The following BIRC5 variants were observed in gnomAD, a reference collection of about 807,000 sequenced individuals.
BIRC5 encodes the protein baculoviral IAP repeat containing 5.
BIRC5 carries 8 observed loss-of-function variants against 15.8 expected under a neutral mutation model. That is an observed-to-expected ratio of 0.51 (90% CI 0.30 to 0.91). The LOEUF is 0.91. Ranked by LOEUF, BIRC5 falls within the 40% of genes least tolerant of loss-of-function variation. The pLI is 0.07. For missense variants in BIRC5, 163 were observed against 178.6 expected (o/e 0.91, Z 0.50); for synonymous variants, 56 against 64.5 (o/e 0.87, Z 0.63).
At chr17:78,215,345 A>G (rs1246520781) in intron 2 of BIRC5, among the ~76,000 whole-genome samples, 4 of 152,134 alleles carry the variant, frequency 2.6e-5, no homozygotes. Context: ...TGAACCTGGG[A>G]GGCGGAGGTT....
At chr17:78,217,052 G>C (rs1157223937) in intron 3 of BIRC5, among the ~76,000 whole-genome samples, 2 of 149,162 alleles carry the variant, frequency 1.3e-5, no homozygotes, top group Non-Finnish European at 3.0e-5. Context: ...GCTAATTTTT[G>C]TATTTTTAGT....
At chr17:78,214,931 C>G (rs1026948786) in intron 2 of BIRC5, 142 bp downstream of exon 2, 4 of 751,260 alleles carry the variant, frequency 5.3e-6, no homozygotes, top group Middle Eastern at 2.3e-4. Context: ...GGATACCTCT[C>G]TATATGCTGG....
chr17:78,223,810 T>C lies in BIRC5; in HGVS notation c.*256T>C, dbSNP rs1489571172. ...TCTCTCTTTTTTGGGGGCTCATTTT[T>C]GCTGTTTTGATTCCCGGGCTTACCA... On this transcript the variant is annotated 3_prime_UTR_variant, in exon 4 of 4. Transcript: ENST00000350051. 5 of 758,264 alleles carry C rather than the reference T, an allele frequency of 6.6e-6. No individual in the cohort carries two copies. The highest frequency in any genetic ancestry group is 7.9e-6 in the Non-Finnish European group (4 of 508,256). The allele number at this position is 758,264 out of a possible 1,614,324, so 47.0% of individuals were successfully genotyped here.
intron 3 of BIRC5, among the ~76,000 whole-genome samples, chr17:78,221,048 T>C (rs773927089): frequency 3.3e-5 from 5 of 152,242 alleles, no homozygotes; most frequent in Non-Finnish European, 5.9e-5. Flanking sequence ...GCGCTGATTC[T>C]TGTTCCTGCT....
Position 78,225,047 on chromosome 17 carries a change from G to T in BIRC5, c.*1493G>T, listed in dbSNP as rs186938477. 124 of 152,308 alleles carry T rather than the reference G, an allele frequency of 8.1e-4. No individual in the cohort carries two copies. Among genetic ancestry groups the T allele is most frequent in the African/African-American group, 2.9e-3 (121 of 41,574 alleles). The allele number at this position is 152,308 out of a possible 1,614,324, so 9.4% of individuals were successfully genotyped here. A position where few individuals can be genotyped will look rare whatever the true frequency, so the allele number is the denominator to read the frequency against. ...GTACTCATCTAAGCTGCTTATTTTT[G>T]ATATTTGTGTCAGTCTGTAAATGGA... On this transcript the variant is annotated 3_prime_UTR_variant, in exon 4 of 4. Transcript: ENST00000350051.
Position 78,216,720 on chromosome 17 carries a change from T to C in BIRC5, c.278T>C (p.Phe93Ser). The C allele has an allele frequency of 1.2e-6, 2 of 1,614,042 alleles. No homozygotes were observed. Among genetic ancestry groups the C allele is most frequent in the African/African-American group, 1.3e-5 (1 of 75,044 alleles). Residue 93 changes from phenylalanine to serine, a missense_variant, in exon 3 of 4, where the codon TTT (phenylalanine) becomes TCT (serine). Physicochemically the swap from Phe to Ser is radical, Grantham distance 155. Transcript: ENST00000350051. ...GCTTTCCTTTCTGTCAAGAAGCAGT[T>C]TGAAGAATTAACCCTTGGTGAATTT... The part of the protein sequence containing the change: ...GCAFLSVKKQ[F>S]EELTLGEFLK...
At chr17:78,218,186 C>G (rs1037717568) in intron 3 of BIRC5, among the ~76,000 whole-genome samples, 1 of 151,904 alleles carries the variant, frequency 6.6e-6, no homozygotes, top group Non-Finnish European at 1.5e-5. Context: ...TAAGTATATA[C>G]CGGTATAAGT....
intron 3 of BIRC5, 96 bp downstream of exon 3, chr17:78,216,877 A>G (rs2076482114): frequency 3.1e-6 from 3 of 980,940 alleles, no homozygotes; most frequent in South Asian, 3.0e-5. Context: ...TTCCTCAGGA[A>G]GCATTTTTTT....
intron 1 of BIRC5, 53 bp from the exon 2 acceptor site, chr17:78,214,627 C>T: frequency 1.3e-6 from 2 of 1,498,852 alleles, no homozygotes; most frequent in Admixed American, 4.0e-5. Context: ...TGTGGCTGGG[C>T]CTCGGGGTTC....
intron 3 of BIRC5, among the ~76,000 whole-genome samples, chr17:78,219,650 G>C (rs1399067357): frequency 2.6e-5 from 4 of 152,234 alleles, no homozygotes. Flanking sequence ...TTCCAGGTCA[G>C]GGGTCAGCCA....
chr17:78,223,891 T>C lies in BIRC5; in HGVS notation c.*337T>C, dbSNP rs1035781513. The stretch of plus-strand genomic sequence containing the variant: ...TCCCTTTTGCTAGAGCTGACAGCTT[T>C]GTTCGCGTGGGCAGAGCCTTCCACA... On this transcript the variant is annotated 3_prime_UTR_variant, in exon 4 of 4. Coordinates refer to ENST00000350051, the MANE Select transcript of BIRC5 (RefSeq NM_001168.3). 2.4e-6 allele frequency: 1 copy of C among 423,284 alleles called. No homozygotes were observed. The highest frequency in any genetic ancestry group is 4.2e-6 in the Non-Finnish European group (1 of 238,262). The allele number at this position is 423,284 out of a possible 1,614,324, so 26.2% of individuals were successfully genotyped here. A position where few individuals can be genotyped will look rare whatever the true frequency, so the allele number is the denominator to read the frequency against.
chr17:78,214,551 C>T, intron 1 of BIRC5, 124 bp downstream of exon 1: 2 of 1,266,206 alleles, frequency 1.6e-6, no homozygotes, highest in Non-Finnish European at 2.1e-6. Flanking sequence ...CCAGCGAGGC[C>T]ACTGTGGCTG....
chr17:78,216,964 C>G (rs981695768), intron 3 of BIRC5, among the ~76,000 whole-genome samples, 183 bp downstream of exon 3: 3 of 151,814 alleles, frequency 2.0e-5, no homozygotes, highest in Non-Finnish European at 4.4e-5. Context: ...ACTGCAACCT[C>G]TGCCTCTCGG....
chr17:78,220,412 A>T (rs1392597303), intron 3 of BIRC5, among the ~76,000 whole-genome samples: 1 of 145,802 alleles, frequency 6.9e-6, no homozygotes, highest in Non-Finnish European at 1.5e-5. Flanking sequence ...TGGGCGACAG[A>T]GCGAGACTCC....
At chr17:78,219,207 CAG>C (rs1486850839) in intron 3 of BIRC5, among the ~76,000 whole-genome samples, 1 of 152,118 alleles carries the variant, frequency 6.6e-6, no homozygotes, top group African/African-American at 2.4e-5. Flanking sequence ...TAATTTGAGA[CAG>C]AGTGTCACTC....
rs1430432939 is a variant in BIRC5, at chr17:78,225,563, C to T, written c.*2009C>T. 1.3e-5 allele frequency: 2 copies of T among 152,242 alleles called. No individual in the cohort carries two copies. The highest frequency in any genetic ancestry group is 4.8e-5 in the African/African-American group (2 of 41,456). 9.4% of individuals were successfully genotyped at this position (152,242 alleles called of 1,614,324 possible). On this transcript the variant is annotated 3_prime_UTR_variant, in exon 4 of 4. Transcript: ENST00000350051. ...AGAGACCAGCAAGCCAAACTGGAGCCCCCATTGCAGGCTGTCGCCATGTGG... is the reference window on the plus strand; with the variant it reads ...AGAGACCAGCAAGCCAAACTGGAGCTCCCATTGCAGGCTGTCGCCATGTGG...
At chr17:78,214,933 A>G (rs201821596) in intron 2 of BIRC5, 144 bp downstream of exon 2, 3 of 738,330 alleles carry the variant, frequency 4.1e-6, no homozygotes, top group East Asian at 5.7e-5. Context: ...ATACCTCTCT[A>G]TATGCTGGTG....
chr17:78,222,408 T>C (rs2076521338), intron 3 of BIRC5, among the ~76,000 whole-genome samples: 1 of 151,862 alleles, frequency 6.6e-6, no homozygotes, highest in Non-Finnish European at 1.5e-5. Context: ...GGCTCACACC[T>C]GTAATCCCAG....
intron 3 of BIRC5, among the ~76,000 whole-genome samples, chr17:78,219,355 T>G (rs529776853): frequency 4.2e-4 from 64 of 152,208 alleles, no homozygotes; most frequent in African/African-American, 1.5e-3. Context: ...CAGCTAACTT[T>G]TGTATTTTTA....
Sources: allele counts gnomAD v4.1 joint callset (sites outside exome capture counted in the v4.1 genomes callset), GRCh38; gene constraint gnomAD v4.1.1; transcripts MANE v1.5; gene names NCBI Gene and HGNC (gene_info 2026-07-23, HGNC 2026-07-21).